Variants in CCR3 observed in about 807,000 individuals in gnomAD.
CCR3 encodes C-C chemokine receptor type 3.
For missense variants in CCR3, 419 were observed against 437.5 expected, an observed-to-expected ratio of 0.96 and a Z score of 0.38; for synonymous variants, 203 against 179.2, an observed-to-expected ratio of 1.13 and a Z score of -1.06.
chr3:46,247,928 A>G (rs974486951), intron 1 of CCR3, among the ~76,000 whole-genome samples: 6 of 152,118 alleles, frequency 3.9e-5, no homozygotes, highest in Non-Finnish European at 7.3e-5. Context: ...CTGAGAAGTG[A>G]TTTCCTTGAG....
intron 2 of CCR3, among the ~76,000 whole-genome samples, chr3:46,218,058 G>A (rs1261265523): frequency 6.6e-6 from 1 of 151,546 alleles, no homozygotes; most frequent in Admixed American, 6.6e-5. Context: ...AAGCAAAATC[G>A]ATAGACCATT....
chr3:46,234,617 AC>A (rs1466379270), intron 2 of CCR3, among the ~76,000 whole-genome samples: 1 of 146,362 alleles, frequency 6.8e-6, no homozygotes, highest in Non-Finnish European at 1.5e-5. Context: ...TAACTGGAGC[AC>A]CCCACAAAAT....
chr3:46,246,865 G>A (rs982590481), intron 1 of CCR3, among the ~76,000 whole-genome samples: 9 of 152,122 alleles, frequency 5.9e-5, no homozygotes, highest in Non-Finnish European at 8.8e-5. Flanking sequence ...TAGGGGCGGC[G>A]TGGGAACCTA....
At chr3:46,218,057 C>T (rs1033925557) in intron 2 of CCR3, among the ~76,000 whole-genome samples, 3 of 151,160 alleles carry the variant, frequency 2.0e-5, no homozygotes, top group African/African-American at 7.3e-5. Context: ...TAAGCAAAAT[C>T]GATAGACCAT....
rs182477862 is a variant in CCR3, at chr3:46,217,043, T to G, written c.-68+6136T>G. Among the ~76,000 whole-genome samples, 69 of 152,206 alleles carry G rather than the reference T, an allele frequency of 4.5e-4. 1 individual carries two copies. The East Asian group carries it at 0.013, about 28-fold the overall frequency. On this transcript the variant is annotated intron_variant, in intron 2 of 3. Coordinates refer to the CCR3 transcript ENST00000357422. ...ATGTAAATGGCCTAAATGCTTCACT[T>G]AAAAGAAATAGAATGACAGATAGAT...
chr3:46,235,817 G>A (rs1044303172), intron 2 of CCR3, among the ~76,000 whole-genome samples: 25 of 152,238 alleles, frequency 1.6e-4, no homozygotes, highest in Non-Finnish European at 3.2e-4. Flanking sequence ...AACAGATGCT[G>A]TCTTGCTGTC....
At chr3:46,222,256 A>G (rs1441279262) in intron 2 of CCR3, among the ~76,000 whole-genome samples, 1 of 152,158 alleles carries the variant, frequency 6.6e-6, no homozygotes, top group East Asian at 1.9e-4. Context: ...CTGGATGGCC[A>G]TGGTGGAGGT....
upstream of CCR3, among the ~76,000 whole-genome samples, chr3:46,242,132 TAA>T (rs34767191): frequency 7.1e-3 from 1,009 of 141,858 alleles, 9 homozygotes; most frequent in African/African-American, 0.02. Flanking sequence ...AATCCTGTCT[TAA>T]AAAAAAAAAA....
chr3:46,239,610 C>T (rs962561567), upstream of CCR3, among the ~76,000 whole-genome samples: 1 of 152,206 alleles, frequency 6.6e-6, no homozygotes, highest in African/African-American at 2.4e-5. Flanking sequence ...ATTAAGGAGA[C>T]TGGAGCTGGA....
intron 1 of CCR3, chr3:46,264,655 C>T (rs1046064401): frequency 5.8e-6 from 3 of 519,776 alleles, no homozygotes; most frequent in African/African-American, 4.1e-5. Flanking sequence ...CATTATGGGG[C>T]CCTGGAGAAG....
intron 1 of CCR3, among the ~76,000 whole-genome samples, chr3:46,246,057 C>G (rs1470197224): frequency 6.6e-6 from 1 of 152,190 alleles, no homozygotes; most frequent in Non-Finnish European, 1.5e-5. Flanking sequence ...CATCCTACTT[C>G]CTTCTATAGT....
At position 46,266,248 on chromosome 3, in the gene CCR3, AAAGAGG is replaced by A; in HGVS notation, c.*26_*31del. On this transcript the variant is annotated 3_prime_UTR_variant, in exon 2 of 2. Coordinates refer to ENST00000395940, the MANE Select transcript of CCR3 (RefSeq NM_178329.3). The stretch of plus-strand genomic sequence containing the variant: ...TTAGGTCAGATGCAGAAAATTGCCT[AAAGAGG>A]AAGGACCAAGGAGATGAAGCAAACA... The A allele has an allele frequency of 1.3e-6, 2 of 1,519,730 alleles. No individual in the cohort carries two copies. The highest frequency in any genetic ancestry group is 1.8e-6 in the Non-Finnish European group (2 of 1,101,402). 94.1% of individuals were successfully genotyped at this position (1,519,730 alleles called of 1,614,324 possible).
At chr3:46,212,554 A>G (rs1699727899) in intron 2 of CCR3, among the ~76,000 whole-genome samples, 1 of 145,186 alleles carries the variant, frequency 6.9e-6, no homozygotes, top group Admixed American at 7.1e-5. Flanking sequence ...CTCACTGCAT[A>G]CTTCTTCTAT....
chr3:46,239,411 ATTAT>A (rs1478781364), upstream of CCR3, among the ~76,000 whole-genome samples: 1 of 152,194 alleles, frequency 6.6e-6, no homozygotes, highest in Non-Finnish European at 1.5e-5. Context: ...GGTAATTGTG[ATTAT>A]TTATCAAGCT....
intron 2 of CCR3, among the ~76,000 whole-genome samples, chr3:46,234,519 A>G (rs1359249248): frequency 6.6e-6 from 1 of 152,148 alleles, no homozygotes; most frequent in Non-Finnish European, 1.5e-5. Context: ...CCAAGAATTT[A>G]TGTGGTTGTG....
intron 2 of CCR3, among the ~76,000 whole-genome samples, chr3:46,221,119 T>A (rs1420140789): frequency 1.3e-5 from 2 of 152,226 alleles, no homozygotes; most frequent in African/African-American, 4.8e-5. Flanking sequence ...GATATTAAGT[T>A]CACAACTTGA....
chr3:46,250,216 G>T (rs574929298), intron 1 of CCR3, among the ~76,000 whole-genome samples: 1 of 152,166 alleles, frequency 6.6e-6, no homozygotes, highest in Admixed American at 6.5e-5. Flanking sequence ...GGCAGGTGGG[G>T]AAGGGCTAGT....
intron 1 of CCR3, among the ~76,000 whole-genome samples, chr3:46,247,899 T>C (rs1202075092): frequency 6.6e-6 from 1 of 151,970 alleles, no homozygotes; most frequent in Non-Finnish European, 1.5e-5. Context: ...GAATAGCACA[T>C]AGAATAGCAG....
At chr3:46,232,958 G>T (rs182707215) in intron 2 of CCR3, among the ~76,000 whole-genome samples, 2 of 152,150 alleles carry the variant, frequency 1.3e-5, no homozygotes, top group Non-Finnish European at 2.9e-5. Flanking sequence ...TCAGTCTCCC[G>T]AGTAGCTGGG....
Sources: allele counts gnomAD v4.1 joint callset (sites outside exome capture counted in the v4.1 genomes callset), GRCh38; gene constraint gnomAD v4.1.1; transcripts MANE v1.5; gene names NCBI Gene and HGNC (gene_info 2026-07-23, HGNC 2026-07-21).